Variants in PALM2AKAP2 observed in about 807,000 individuals in gnomAD.
PALM2AKAP2 encodes PALM2 and AKAP2 fusion, also known as PALM2-AKAP2 fusion protein.
In PALM2AKAP2, 37 loss-of-function variants were observed where a neutral mutation model predicts 71.5. That is an observed-to-expected ratio of 0.52 (90% confidence interval 0.40 to 0.68). The LOEUF (loss-of-function observed/expected upper bound fraction) is 0.68, where lower values mean the gene tolerates loss of function less well. Among genes scored for constraint, PALM2AKAP2 ranks in the 30% least tolerant of loss-of-function variants. The probability of loss-of-function intolerance (pLI) is 0.00; values close to 1 mark genes in which losing one functional copy is unlikely to be tolerated. For synonymous variants in PALM2AKAP2, 468 were observed against 478.8 expected (o/e 0.98, Z 0.29); for missense variants, 1,224 against 1,191.8 (o/e 1.03, Z -0.40).
At chr9:109,833,265 G>C (rs1828361445) in intron 1 of PALM2AKAP2, among the ~76,000 whole-genome samples, 1 of 152,208 alleles carries the variant, frequency 6.6e-6, no homozygotes, top group African/African-American at 2.4e-5. Context: ...TGAGGCAGGA[G>C]AATTGCTTGA....
At chr9:109,897,075 C>A (rs1830219504) in intron 3 of PALM2AKAP2, among the ~76,000 whole-genome samples, 1 of 152,154 alleles carries the variant, frequency 6.6e-6, no homozygotes, top group African/African-American at 2.4e-5. Context: ...ACCACTCAAC[C>A]TTTTAGCAGA....
chr9:109,996,905 T>C (rs1588050242), intron 6 of PALM2AKAP2, among the ~76,000 whole-genome samples: 1 of 152,200 alleles, frequency 6.6e-6, no homozygotes. Context: ...TAAGAACATA[T>C]GGGCCAGGTG....
chr9:109,698,258 T>G (rs1828001563), intron 1 of PALM2AKAP2, among the ~76,000 whole-genome samples: 1 of 151,182 alleles, frequency 6.6e-6, no homozygotes, highest in African/African-American at 2.4e-5. Context: ...ACCCTTCACC[T>G]GCATGTGTGC....
At chr9:109,838,051 C>G (rs1422736413) in intron 1 of PALM2AKAP2, among the ~76,000 whole-genome samples, 1 of 106,592 alleles carries the variant, frequency 9.4e-6, no homozygotes, top group African/African-American at 4.1e-5. Context: ...ACAGAACTCT[C>G]CACCCCAAAT....
intron 3 of PALM2AKAP2, among the ~76,000 whole-genome samples, chr9:109,902,484 G>A (rs951118330): frequency 6.6e-6 from 1 of 152,208 alleles, no homozygotes; most frequent in African/African-American, 2.4e-5. Flanking sequence ...CCCCTGAAAG[G>A]CCATACAGTG....
At chr9:109,879,528 T>C (rs1358629326) in intron 2 of PALM2AKAP2, among the ~76,000 whole-genome samples, 1 of 152,188 alleles carries the variant, frequency 6.6e-6, no homozygotes, top group Non-Finnish European at 1.5e-5. Context: ...TCCTCTCACA[T>C]CTACCTCTCC....
At chr9:109,733,698 C>A (rs1828588194) in intron 1 of PALM2AKAP2, among the ~76,000 whole-genome samples, 1 of 152,160 alleles carries the variant, frequency 6.6e-6, no homozygotes, top group Non-Finnish European at 1.5e-5. Flanking sequence ...TGTAATTTTT[C>A]CCTCAATTTT....
intron 7 of PALM2AKAP2, among the ~76,000 whole-genome samples, chr9:110,026,935 C>T (rs1209628989): frequency 6.6e-6 from 1 of 152,094 alleles, no homozygotes; most frequent in African/African-American, 2.4e-5. Flanking sequence ...CTCAGCCACT[C>T]TGGAGGCTGA....
intron 7 of PALM2AKAP2, chr9:110,024,818 G>GTT: frequency 1.5e-6 from 1 of 674,902 alleles, no homozygotes; most frequent in East Asian, 2.7e-5. Flanking sequence ...AGTGTCTTGG[G>GTT]TTTTTTGTTT....
At chr9:109,876,652 G>A (rs1829729259) in intron 2 of PALM2AKAP2, among the ~76,000 whole-genome samples, 1 of 151,888 alleles carries the variant, frequency 6.6e-6, no homozygotes, top group Non-Finnish European at 1.5e-5. Context: ...GCTAATTTTT[G>A]TATTTTTAGT....
intron 1 of PALM2AKAP2, 31 bp downstream of exon 1, chr9:109,780,564 C>G (rs757139780): frequency 3.1e-6 from 5 of 1,613,134 alleles, no homozygotes; most frequent in Admixed American, 3.3e-5. Flanking sequence ...TTTTCTTGCT[C>G]TATTGTCTGG....
chr9:109,856,497 C>G (rs1829169378), intron 1 of PALM2AKAP2, among the ~76,000 whole-genome samples: 1 of 152,154 alleles, frequency 6.6e-6, no homozygotes, highest in Non-Finnish European at 1.5e-5. Context: ...GTTGGTGTAT[C>G]CATTTTTTCC....
rs111539711 is a variant in PALM2AKAP2 at position 110,156,738 on chromosome 9, G to A, written c.2748+241G>A. 1.2e-4 allele frequency among the ~76,000 whole-genome samples: 18 copies of A among 152,286 alleles called. 1 individual carries two copies. Among genetic ancestry groups the A allele is most frequent in the South Asian group, 6.2e-4 (3 of 4,826 alleles). ...TTTGCTGCCAAGTATAGCTGGAGTC[G>A]ACCAGCAAGGCTAGTGTGTAAGATG... On this transcript the variant is annotated intron_variant, in intron 3 of 3. Coordinates refer to ENST00000374525, the Ensembl canonical transcript of PALM2AKAP2.
At chr9:110,044,578 C>T (rs1484095527), upstream of PALM2AKAP2, among the ~76,000 whole-genome samples, 7 of 151,568 alleles carry the variant, frequency 4.6e-5, no homozygotes, top group Non-Finnish European at 8.8e-5. Flanking sequence ...TCTCAAACTA[C>T]TGACCTCAGG....
upstream of PALM2AKAP2, among the ~76,000 whole-genome samples, chr9:109,778,443 C>T (rs1284682678): frequency 6.6e-6 from 1 of 152,122 alleles, no homozygotes; most frequent in Non-Finnish European, 1.5e-5. Flanking sequence ...CCTGCTGGGG[C>T]TTGTGCTGGA....
chr9:109,954,985 A>ACC (rs1831720307), intron 6 of PALM2AKAP2, among the ~76,000 whole-genome samples: 2 of 152,084 alleles, frequency 1.3e-5, no homozygotes, highest in African/African-American at 4.8e-5. Context: ...CATCACCACC[A>ACC]ACACCAACAC....
chr9:110,006,207 T>C (rs1322072550), intron 6 of PALM2AKAP2, among the ~76,000 whole-genome samples: 3 of 151,890 alleles, frequency 2.0e-5, no homozygotes, highest in Non-Finnish European at 4.4e-5. Context: ...TTTCTCTCTA[T>C]ATCTCTTCTC....
At chr9:109,787,595 C>G (rs10980039) in intron 1 of PALM2AKAP2, among the ~76,000 whole-genome samples, 1,999 of 152,186 alleles carry the variant, frequency 0.013, 22 homozygotes, top group East Asian at 0.072. Flanking sequence ...CAGATTGAGT[C>G]GAAAGTATTG....
intron 1 of PALM2AKAP2, among the ~76,000 whole-genome samples, chr9:109,818,984 A>T (rs1437331769): frequency 1.3e-5 from 2 of 152,200 alleles, no homozygotes; most frequent in East Asian, 3.8e-4. Context: ...AGAAACTAAG[A>T]ATGACACGAA....
Sources: gnomAD v4.1 joint callset for allele counts (sites outside exome capture counted in the v4.1 genomes callset) on GRCh38, gnomAD v4.1.1 for gene constraint, MANE v1.5 for transcripts, NCBI Gene and HGNC (gene_info 2026-07-23, HGNC 2026-07-21) for gene names.